The following FBXL13 variants were observed in gnomAD, a reference collection of about 807,000 sequenced individuals.
FBXL13 encodes the protein F-box and leucine rich repeat protein 13, also known as F-box and leucine-rich repeat protein 13.
FBXL13 carries 67 observed loss-of-function variants against 83.6 expected under a neutral mutation model. That is an observed-to-expected ratio of 0.80 (90% confidence interval 0.66 to 0.98). The LOEUF is 0.98. FBXL13 is among the 50% of genes least tolerant of loss of function. The pLI is 0.00. For synonymous variants in FBXL13, 272 were observed against 299.5 expected (o/e 0.91, Z 0.95); for missense variants, 822 against 866.5 (o/e 0.95, Z 0.64).
chr7:102,941,571 T>C (rs564388842), intron 8 of FBXL13, among the ~76,000 whole-genome samples: 18 of 152,260 alleles, frequency 1.2e-4, no homozygotes, highest in Admixed American at 9.8e-4. Context: ...ATAAATAGAC[T>C]CTGTCTAGGC....
At chr7:102,963,550 T>C (rs891429133) in exon 8 of FBXL13, 3 of 1,612,254 alleles carry the variant, frequency 1.9e-6, no homozygotes, top group Non-Finnish European at 2.5e-6. Context: ...TCTGAAAGTT[T>C]TGGGTCGGAG....
rs116605874 is a variant in FBXL13, at chr7:103,061,074, A to G, written c.-104-5327T>C. On this transcript the variant is annotated intron_variant, in intron 1 of 19. Transcript: ENST00000313221. ...CAAAATTTTATTTTAGAAACTCTAT[A>G]AATGAATATTCCGGAAGATTACTGA... 4.9e-3 allele frequency among the ~76,000 whole-genome samples: 748 copies of G among 152,352 alleles called. 9 individuals are homozygous for G. Among genetic ancestry groups the G allele is most frequent in the African/African-American group, 0.017 (692 of 41,578 alleles).
At chr7:102,989,772 A>T (rs960183509) in intron 6 of FBXL13, among the ~76,000 whole-genome samples, 3 of 152,202 alleles carry the variant, frequency 2.0e-5, no homozygotes, top group Non-Finnish European at 4.4e-5. Context: ...CTATTTCTCA[A>T]TTGGTTCCAA....
chr7:102,881,817 G>T (rs1169854467), intron 14 of FBXL13, among the ~76,000 whole-genome samples: 1 of 152,190 alleles, frequency 6.6e-6, no homozygotes, highest in Non-Finnish European at 1.5e-5. Context: ...TCACATGGCT[G>T]TTGGCGGGAG....
chr7:103,016,255 C>G (rs1488936346), intron 6 of FBXL13, among the ~76,000 whole-genome samples: 1 of 142,264 alleles, frequency 7.0e-6, no homozygotes, highest in Non-Finnish European at 1.5e-5. Flanking sequence ...TACCCAACTT[C>G]AAACTACACT....
At chr7:102,933,967 G>C (rs778069913) in intron 8 of FBXL13, 32 of 1,613,944 alleles carry the variant, frequency 2.0e-5, no homozygotes, top group Non-Finnish European at 2.7e-5. Context: ...CGGCTGAGCT[G>C]CGCAAAGCAA....
intron 6 of FBXL13, among the ~76,000 whole-genome samples, chr7:102,971,881 C>T (rs374529194): frequency 1.5e-4 from 23 of 152,002 alleles, no homozygotes; most frequent in African/African-American, 5.5e-4. Flanking sequence ...CAAAAATTAG[C>T]TGGGTGTGGT....
intron 7 of FBXL13, 56 bp downstream of exon 8, chr7:102,967,966 G>C: frequency 7.4e-7 from 1 of 1,350,136 alleles, no homozygotes; most frequent in South Asian, 1.2e-5. Context: ...CTTCACAGCA[G>C]TCCATTCTCC....
exon 4 of FBXL13, chr7:103,028,634 G>A (rs144386123): frequency 7.5e-6 from 12 of 1,595,314 alleles, no homozygotes; most frequent in South Asian, 2.3e-5. Flanking sequence ...CCATATAAGA[G>A]TGCCAGTGAT....
At chr7:102,959,153 A>C (rs1443514833) in intron 8 of FBXL13, among the ~76,000 whole-genome samples, 1 of 152,150 alleles carries the variant, frequency 6.6e-6, no homozygotes, top group Non-Finnish European at 1.5e-5. Context: ...ATTAAAACCA[A>C]GAAGAGAGCT....
intron 2 of FBXL13, among the ~76,000 whole-genome samples, chr7:103,047,781 G>A (rs189943293): frequency 1.7e-4 from 26 of 152,142 alleles, no homozygotes; most frequent in African/African-American, 6.0e-4. Context: ...TGCAACCTCC[G>A]CCTCCTGGGT....
intron 6 of FBXL13, among the ~76,000 whole-genome samples, chr7:102,997,424 C>T (rs1471990982): frequency 1.3e-5 from 2 of 152,136 alleles, no homozygotes; most frequent in Non-Finnish European, 2.9e-5. Flanking sequence ...TATGGGAAGA[C>T]TCCAGTTCTT....
intron 17 of FBXL13, among the ~76,000 whole-genome samples, chr7:102,853,196 A>C (rs1381014248): frequency 6.6e-6 from 1 of 152,132 alleles, no homozygotes; most frequent in Non-Finnish European, 1.5e-5. Flanking sequence ...GTGAGTGAGG[A>C]ATAAAAGACT....
In FBXL13 at chr7:102,883,469, T is replaced by C. The variant is rs200016355; in HGVS notation, c.1226-2A>G. Reference sequence around the variant, plus strand: ...ATGCATCAGTAACCCTTTTATTTCCTGTTTTTAAAAAACAGAAGAAAAGAC... The same window carrying C: ...ATGCATCAGTAACCCTTTTATTTCCCGTTTTTAAAAAACAGAAGAAAAGAC... On this transcript the variant is annotated splice_acceptor_variant, in intron 13 of 19. Transcript: ENST00000313221. LOFTEE classifies it high-confidence loss of function. The C allele has an allele frequency of 4.6e-5, 73 of 1,604,330 alleles. No homozygotes were observed. Among genetic ancestry groups the C allele is most frequent in the Middle Eastern group, 1.7e-4 (1 of 6,022 alleles).
intron 16 of FBXL13, among the ~76,000 whole-genome samples, chr7:102,861,703 C>T (rs776595815): frequency 4.6e-5 from 7 of 152,062 alleles, no homozygotes; most frequent in South Asian, 2.1e-4. Context: ...ATCTGCAGGC[C>T]GGGCGCGGTG....
intron 2 of FBXL13, among the ~76,000 whole-genome samples, chr7:103,034,727 ACGAGGGCTG>A (rs1376279921): frequency 2.0e-5 from 3 of 152,232 alleles, no homozygotes; most frequent in South Asian, 2.1e-4. Flanking sequence ...CCGAGAGCGA[ACGAGGGCTG>A]CGAGGGCTGC....
chr7:103,057,189 C>T (rs530705489), intron 1 of FBXL13, among the ~76,000 whole-genome samples: 4 of 152,136 alleles, frequency 2.6e-5, no homozygotes, highest in South Asian at 2.1e-4. Context: ...TTTTACATAC[C>T]CCTCTGTATT....
At chr7:102,893,538 G>A (rs554525706) in intron 11 of FBXL13, among the ~76,000 whole-genome samples, 1 of 152,228 alleles carries the variant, frequency 6.6e-6, no homozygotes, top group Non-Finnish European at 1.5e-5. Flanking sequence ...AGGCCGAGAC[G>A]GGCGGATCAC....
intron 8 of FBXL13, among the ~76,000 whole-genome samples, chr7:102,939,927 T>C (rs1821067448): frequency 6.6e-6 from 1 of 151,904 alleles, no homozygotes; most frequent in South Asian, 2.1e-4. Context: ...GGAGTCTCAC[T>C]CTTGTTGCCC....
Sources: allele counts gnomAD v4.1 joint callset (sites outside exome capture counted in the v4.1 genomes callset), GRCh38; gene constraint gnomAD v4.1.1; transcripts MANE v1.5; gene names NCBI Gene and HGNC (gene_info 2026-07-23, HGNC 2026-07-21).